The following PCLO variants were observed in gnomAD, a reference collection of about 807,000 sequenced individuals.
PCLO encodes protein piccolo.
Under a neutral mutation model 427.5 loss-of-function variants are expected in PCLO, and 82 were observed. The observed-to-expected ratio is 0.19, with a 90% CI of 0.16 to 0.23. PCLO has a LOEUF of 0.23. PCLO is among the 10% of genes least tolerant of loss of function. The pLI is 1.00. For missense variants in PCLO, 6,239 were observed against 6,115.9 expected, an observed-to-expected ratio of 1.02 and a Z score of -0.67; for synonymous variants, 2,357 against 2,155.4, an observed-to-expected ratio of 1.09 and a Z score of -2.59.
At position 82,916,321 on chromosome 7, in the gene PCLO, G is replaced by C; in HGVS notation, c.11665C>G (p.Gln3889Glu). The change falls in exon 7 of 25, where the codon CAG (glutamine) becomes GAG (glutamate). Residue 3889 changes from glutamine to glutamate, a missense_variant. Physicochemically the swap from Gln to Glu is conservative, Grantham distance 29. Transcript: ENST00000333891. The part of the protein sequence containing the change: ...VPPTSPYTQY[Q>E]YSSPALPTQA... ...GTAGGAAGAGCAGGGGAAGAGTACT[G>C]GTATTGTGTGTAAGGACTTGTCGGA... is the stretch of plus-strand genomic sequence containing the variant. The C allele has an allele frequency of 2.5e-6, 4 of 1,613,578 alleles. No individual in the cohort carries two copies. Among genetic ancestry groups the C allele is most frequent in the Non-Finnish European group, 3.4e-6 (4 of 1,179,650 alleles).
chr7:82,979,351 C>T (rs542263891), intron 3 of PCLO, among the ~76,000 whole-genome samples: 4 of 152,040 alleles, frequency 2.6e-5, no homozygotes, highest in Non-Finnish European at 4.4e-5. Flanking sequence ...TTATTGATGA[C>T]ATAATAACCA....
At chr7:82,814,994 C>G (rs1791647875) in intron 20 of PCLO, among the ~76,000 whole-genome samples, 1 of 151,720 alleles carries the variant, frequency 6.6e-6, no homozygotes, top group Admixed American at 6.6e-5. Flanking sequence ...TTTTATCATG[C>G]TATTTATTTT....
At chr7:83,060,362 G>A (rs1159352879) in intron 3 of PCLO, among the ~76,000 whole-genome samples, 1 of 152,102 alleles carries the variant, frequency 6.6e-6, no homozygotes, top group Non-Finnish European at 1.5e-5. Context: ...ATTGCCAGCT[G>A]CTCTGCCAAA....
intron 10 of PCLO, among the ~76,000 whole-genome samples, chr7:82,876,723 T>A (rs1464487108): frequency 2.0e-5 from 3 of 152,118 alleles, no homozygotes; most frequent in African/African-American, 2.4e-5. Context: ...TCAGAACCAG[T>A]ATTTAAATAT....
intron 3 of PCLO, among the ~76,000 whole-genome samples, chr7:83,094,618 G>A (rs919007554): frequency 1.3e-5 from 2 of 152,136 alleles, no homozygotes; most frequent in South Asian, 2.1e-4. Flanking sequence ...ACCACAGTTT[G>A]TTTAACCATT....
At chr7:83,093,492 A>ATATTTTTTTT in intron 3 of PCLO, among the ~76,000 whole-genome samples, 4 of 59,342 alleles carry the variant, frequency 6.7e-5, no homozygotes, top group African/African-American at 1.6e-4. Context: ...ATATATATAT[A>ATATTTTTTTT]TTTTTTTTTT....
At chr7:83,049,704 T>G (rs1789187052) in intron 3 of PCLO, among the ~76,000 whole-genome samples, 1 of 152,102 alleles carries the variant, frequency 6.6e-6, no homozygotes, top group South Asian at 2.1e-4. Flanking sequence ...GGGTTAGTTT[T>G]GGGAAGGAAC....
At chr7:82,994,210 T>C (rs1583882565) in intron 3 of PCLO, among the ~76,000 whole-genome samples, 3 of 152,154 alleles carry the variant, frequency 2.0e-5, no homozygotes, top group African/African-American at 7.2e-5. Flanking sequence ...AATAACTATA[T>C]TGATTAATGT....
chr7:82,975,614 T>G (rs1484028588), intron 3 of PCLO, among the ~76,000 whole-genome samples: 1 of 152,150 alleles, frequency 6.6e-6, no homozygotes, highest in Non-Finnish European at 1.5e-5. Context: ...GGTGTAAACT[T>G]GTCTAGGTTG....
intron 3 of PCLO, among the ~76,000 whole-genome samples, chr7:83,096,613 C>T (rs6962736): frequency 0.46 from 67,922 of 148,660 alleles, 15,880 homozygotes; most frequent in East Asian, 0.71. Context: ...GGTGGGATTG[C>T]CATCAAAATT....
chr7:83,137,728 C>T (rs947871456), intron 2 of PCLO, among the ~76,000 whole-genome samples: 1 of 152,072 alleles, frequency 6.6e-6, no homozygotes, highest in East Asian at 1.9e-4. Context: ...CCACCACGCC[C>T]GGCCATGGAT....
chr7:82,967,381 G>T (rs1318037590), intron 3 of PCLO, among the ~76,000 whole-genome samples: 1 of 151,848 alleles, frequency 6.6e-6, no homozygotes, highest in Non-Finnish European at 1.5e-5. Context: ...CTCCATGTTG[G>T]TCAGGCTGGT....
At chr7:82,887,885 T>C (rs907405684) in intron 9 of PCLO, among the ~76,000 whole-genome samples, 31 of 152,086 alleles carry the variant, frequency 2.0e-4, no homozygotes, top group African/African-American at 7.0e-4. Flanking sequence ...CTGGCCAAGA[T>C]GGTGAAACCC....
At chr7:82,819,824 T>A (rs1791753255) in intron 20 of PCLO, among the ~76,000 whole-genome samples, 1 of 152,136 alleles carries the variant, frequency 6.6e-6, no homozygotes, top group Non-Finnish European at 1.5e-5. Flanking sequence ...AATAGGAAAG[T>A]ATAAGGCTTG....
At chr7:83,005,019 T>C (rs542605089) in intron 3 of PCLO, among the ~76,000 whole-genome samples, 47 of 151,668 alleles carry the variant, frequency 3.1e-4, no homozygotes, top group Admixed American at 2.9e-3. Context: ...AAAAGTCATA[T>C]AATAAGTGTT....
chr7:83,093,326 A>G (rs2116447901), intron 3 of PCLO, among the ~76,000 whole-genome samples: 1 of 151,074 alleles, frequency 6.6e-6, no homozygotes, highest in Non-Finnish European at 1.5e-5. Context: ...AAATTTTCCA[A>G]GATAAAATTA....
chr7:82,914,661 C>T, intron 7 of PCLO, 25 bp downstream of exon 7: 3 of 1,608,334 alleles, frequency 1.9e-6, no homozygotes, highest in Non-Finnish European at 2.6e-6. Context: ...TTGAGAGTAA[C>T]AGGGTAGTTT....
chr7:82,845,214 A>G, intron 13 of PCLO, 57 bp downstream of exon 13: 3 of 1,143,280 alleles, frequency 2.6e-6, no homozygotes, highest in Non-Finnish European at 4.0e-6. Flanking sequence ...TTCTGTCTCT[A>G]TGCTGAATAA....
intron 3 of PCLO, among the ~76,000 whole-genome samples, chr7:82,995,313 T>C (rs894605121): frequency 5.9e-5 from 9 of 151,946 alleles, no homozygotes; most frequent in East Asian, 5.8e-4. Context: ...AGCTGCACCA[T>C]AGAAACCAAG....
Sources: allele counts gnomAD v4.1 joint callset (sites outside exome capture counted in the v4.1 genomes callset), GRCh38; gene constraint gnomAD v4.1.1; transcripts MANE v1.5; gene names NCBI Gene and HGNC (gene_info 2026-07-23, HGNC 2026-07-21).